Variants in UNC13C observed in about 807,000 individuals in gnomAD.
UNC13C encodes the protein unc-13 homolog C, also known as protein unc-13 homolog C.
Under a neutral mutation model 245.4 loss-of-function variants are expected in UNC13C, and 174 were observed. That is an observed-to-expected ratio of 0.71 (90% CI 0.63 to 0.80). The LOEUF (loss-of-function observed/expected upper bound fraction) is 0.80. Among genes scored for constraint, UNC13C ranks in the 30% least tolerant of loss-of-function variants. The pLI, the probability that UNC13C is intolerant of heterozygous loss-of-function variation, is 0.00. For synonymous variants in UNC13C, 992 were observed against 895.1 expected (o/e 1.11, Z -1.93); for missense variants, 2,829 against 2,602.9 (o/e 1.09, Z -1.89).
At chr15:54,049,332 A>G (rs79790749) in intron 2 of UNC13C, 2 of 513,034 alleles carry the variant, frequency 3.9e-6, no homozygotes, top group Admixed American at 4.8e-5. Context: ...ATAAATCGAT[A>G]CTACTAACAT....
intron 10 of UNC13C, among the ~76,000 whole-genome samples, chr15:54,269,541 T>A (rs1034389468): frequency 1.3e-5 from 2 of 152,136 alleles, no homozygotes; most frequent in African/African-American, 4.8e-5. Flanking sequence ...CCTTGAGAAA[T>A]CAACTGAGTA....
rs752280503 is a variant in UNC13C, at chr15:54,294,068, A to AT, written c.3988+15dup. On this transcript the variant is annotated splice_donor_region_variant and intron_variant, in intron 11 of 32. Coordinates refer to ENST00000260323, the MANE Select transcript of UNC13C (RefSeq NM_001080534.3). ...ATGGATGTCTGGTACAACTTAGGTG[A>AT]TTTTTTTTTTTATCTACTTGAAAAC... 10,416 of 1,177,848 alleles carry AT rather than the reference A, an allele frequency of 8.8e-3. 29 individuals carry two copies. Among genetic ancestry groups the AT allele is most frequent in the African/African-American group, 0.037 (2,279 of 62,356 alleles). 73.0% of individuals were successfully genotyped at this position (1,177,848 alleles called of 1,614,324 possible).
chr15:54,287,571 G>A (rs367667259), intron 10 of UNC13C, among the ~76,000 whole-genome samples: 4 of 152,094 alleles, frequency 2.6e-5, no homozygotes, highest in African/African-American at 9.7e-5. Flanking sequence ...AAAGAACAAA[G>A]CTTATTTTAT....
intron 2 of UNC13C, among the ~76,000 whole-genome samples, chr15:54,131,890 G>T (rs2031438623): frequency 6.6e-6 from 1 of 151,832 alleles, no homozygotes; most frequent in Non-Finnish European, 1.5e-5. Flanking sequence ...TTTTTACTCT[G>T]CCAGGAATAC....
intron 17 of UNC13C, among the ~76,000 whole-genome samples, chr15:54,387,995 T>C (rs1037934943): frequency 1.3e-5 from 2 of 152,086 alleles, no homozygotes; most frequent in African/African-American, 4.8e-5. Context: ...ATTCTTTAAG[T>C]TCTGTTCAGA....
intron 19 of UNC13C, among the ~76,000 whole-genome samples, chr15:54,441,564 T>A (rs1195580748): frequency 6.6e-6 from 1 of 152,164 alleles, no homozygotes; most frequent in Non-Finnish European, 1.5e-5. Context: ...TCTGTTTTCA[T>A]ACCAATACCA....
chr15:54,327,754 C>T (rs1393108837), intron 14 of UNC13C, among the ~76,000 whole-genome samples: 1 of 151,968 alleles, frequency 6.6e-6, no homozygotes, highest in Non-Finnish European at 1.5e-5. Context: ...ATTTTTTCTT[C>T]TGCGATTAGG....
the UNC13C span, among the ~76,000 whole-genome samples, chr15:53,859,625 C>T: frequency 8.2e-6 from 1 of 121,654 alleles, no homozygotes; most frequent in Admixed American, 8.1e-5. Context: ...AAAATAAGTA[C>T]AGGCATACAC....
the UNC13C span, among the ~76,000 whole-genome samples, chr15:53,898,960 C>A: frequency 6.6e-6 from 1 of 152,012 alleles, no homozygotes; most frequent in Non-Finnish European, 1.5e-5. Context: ...GCCCCCCACC[C>A]CATCCCCAAC....
intron 27 of UNC13C, 76 bp from the exon 28 acceptor site, chr15:54,549,559 G>C: frequency 1.2e-5 from 13 of 1,097,992 alleles, no homozygotes; most frequent in Non-Finnish European, 1.7e-5. Flanking sequence ...GAAATTATCT[G>C]TTGACTGCAT....
chr15:54,252,860 G>A (rs1010416210), intron 8 of UNC13C, among the ~76,000 whole-genome samples: 15 of 152,202 alleles, frequency 9.9e-5, no homozygotes, highest in African/African-American at 2.6e-4. Context: ...TCAACCCTTG[G>A]TAGGCAGTTT....
At chr15:53,947,862 A>G in the UNC13C span, 4 of 152,208 alleles carry the variant, frequency 2.6e-5, no homozygotes, top group Non-Finnish European at 5.9e-5. Context: ...TGGGCAGAAA[A>G]ATATCTAGAA....
intron 19 of UNC13C, among the ~76,000 whole-genome samples, chr15:54,486,850 G>A (rs1161905368): frequency 6.6e-6 from 1 of 151,994 alleles, no homozygotes; most frequent in Non-Finnish European, 1.5e-5. Flanking sequence ...AATTTTTCAG[G>A]TCTATGGCTT....
intron 2 of UNC13C, among the ~76,000 whole-genome samples, chr15:54,038,124 A>ATATATATTTTTTTTTTTTTTTTT: frequency 2.2e-5 from 1 of 45,032 alleles, no homozygotes; most frequent in African/African-American, 1.1e-4. Flanking sequence ...ATATATATAT[A>ATATATATTTTTTTTTTTTTTTTT]TTTTTTTTTT....
At chr15:53,870,323 A>T in the UNC13C span, among the ~76,000 whole-genome samples, 2 of 152,056 alleles carry the variant, frequency 1.3e-5, no homozygotes, top group Non-Finnish European at 2.9e-5. Flanking sequence ...AACATATATC[A>T]AGTATTGCTA....
chr15:54,494,425 G>T (rs576765924), intron 19 of UNC13C, among the ~76,000 whole-genome samples, 183 bp from the exon 20 acceptor site: 10 of 151,814 alleles, frequency 6.6e-5, no homozygotes, highest in Admixed American at 6.6e-4. Flanking sequence ...TATTCTATGT[G>T]GGACTTATAA....
chr15:54,085,015 T>C (rs1899156971), intron 2 of UNC13C, among the ~76,000 whole-genome samples: 1 of 152,206 alleles, frequency 6.6e-6, no homozygotes, highest in Non-Finnish European at 1.5e-5. Flanking sequence ...TTTATTTTTA[T>C]AGAATAAATG....
At chr15:53,838,540 C>A in the UNC13C span, among the ~76,000 whole-genome samples, 4 of 151,950 alleles carry the variant, frequency 2.6e-5, no homozygotes, top group African/African-American at 4.8e-5. Context: ...ACAGCTAAAT[C>A]GTTTTCTTCT....
the UNC13C span, among the ~76,000 whole-genome samples, chr15:53,955,266 T>TACACACACACACAC: frequency 3.3e-4 from 49 of 149,688 alleles, no homozygotes; most frequent in Non-Finnish European, 7.4e-5. Context: ...GACTTTTTCT[T>TACACACACACACAC]ACACACACAC....
Sources: gnomAD v4.1 joint callset for allele counts (sites outside exome capture counted in the v4.1 genomes callset) on GRCh38, gnomAD v4.1.1 for gene constraint, MANE v1.5 for transcripts, NCBI Gene and HGNC (gene_info 2026-07-23, HGNC 2026-07-21) for gene names.